LOXL2: variants seen among roughly 807,000 people sequenced by gnomAD.
The protein encoded by LOXL2 is lysyl oxidase like 2, also known as lysyl oxidase homolog 2.
In LOXL2, 70 loss-of-function variants were observed where a neutral mutation model predicts 93.0. That is an observed-to-expected ratio of 0.75 (90% CI 0.62 to 0.92). The LOEUF is 0.92. Among genes scored for constraint, LOXL2 ranks in the 40% least tolerant of loss-of-function variants. LOXL2 has a pLI of 0.00. For synonymous variants in LOXL2, 438 were observed against 413.2 expected, an observed-to-expected ratio of 1.06 and a Z score of -0.73; for missense variants, 973 against 1,054.9, an observed-to-expected ratio of 0.92 and a Z score of 1.08.
At chr8:23,372,587 T>C (rs1804513421) in intron 1 of LOXL2, among the ~76,000 whole-genome samples, 2 of 152,116 alleles carry the variant, frequency 1.3e-5, no homozygotes, top group South Asian at 2.1e-4. Flanking sequence ...AGATATACCA[T>C]GCGTACATTA....
At chr8:23,350,766 A>G (rs1393642204) in intron 3 of LOXL2, among the ~76,000 whole-genome samples, 8 of 139,898 alleles carry the variant, frequency 5.7e-5, no homozygotes, top group Non-Finnish European at 1.2e-4. Context: ...TCCTCCTATA[A>G]ATCAAAAGCT....
At chr8:23,334,770 A>T (rs1394131490) in intron 4 of LOXL2, among the ~76,000 whole-genome samples, 10 of 91,074 alleles carry the variant, frequency 1.1e-4, no homozygotes, top group Non-Finnish European at 7.4e-5. Flanking sequence ...CCAAAATCAG[A>T]AGTAGTATCT....
At chr8:23,358,951 C>T (rs1321729531) in intron 3 of LOXL2, among the ~76,000 whole-genome samples, 1 of 151,736 alleles carries the variant, frequency 6.6e-6, no homozygotes, top group Non-Finnish European at 1.5e-5. Context: ...ACGCCATTCT[C>T]CTGCTTCAGC....
rs368751153 is a variant in LOXL2, at chr8:23,346,111, TA to T, written c.532-4909del. ...TAAAATAAAATAAAATAAAATAAAA[TA>T]AAATTAAAATAAAATAAAATAAAAT... On this transcript the variant is annotated intron_variant, in intron 3 of 13. Transcript: ENST00000389131. Among the ~76,000 whole-genome samples, 750 of 44,762 alleles carry T rather than the reference TA, an allele frequency of 0.017. 50 individuals carry two copies. In the East Asian group the frequency reaches 0.21, roughly 12 times the overall value. The allele number at this position is 44,762 out of a possible 152,430, so 29.4% of individuals were successfully genotyped here.
At chr8:23,351,176 C>T (rs1190651245) in intron 3 of LOXL2, among the ~76,000 whole-genome samples, 1 of 152,174 alleles carries the variant, frequency 6.6e-6, no homozygotes, top group Non-Finnish European at 1.5e-5. Context: ...AATGAATAAA[C>T]AGATCCTTAG....
intron 12 of LOXL2, among the ~76,000 whole-genome samples, chr8:23,300,074 G>A (rs1170527533): frequency 6.6e-5 from 10 of 152,260 alleles, no homozygotes; most frequent in Admixed American, 6.5e-4. Context: ...CACATGGCAT[G>A]GGGCAAACAC....
intron 9 of LOXL2, among the ~76,000 whole-genome samples, chr8:23,316,556 G>T (rs1803404393): frequency 6.6e-6 from 1 of 152,110 alleles, no homozygotes; most frequent in Non-Finnish European, 1.5e-5. Flanking sequence ...TGACCTCCAG[G>T]GTCTGAAAAC....
At chr8:23,314,176 C>T (rs1803357797) in intron 9 of LOXL2, among the ~76,000 whole-genome samples, 1 of 152,006 alleles carries the variant, frequency 6.6e-6, no homozygotes, top group African/African-American at 2.4e-5. Context: ...GAGATAGGAA[C>T]ACTTTTACAC....
At chr8:23,389,707 T>C (rs1187892575) in intron 1 of LOXL2, among the ~76,000 whole-genome samples, 14 of 152,230 alleles carry the variant, frequency 9.2e-5, no homozygotes, top group Admixed American at 9.2e-4. Context: ...CTGATCCTGA[T>C]GTGATGCTCA....
chr8:23,314,852 T>TA (rs1803369284), intron 9 of LOXL2, among the ~76,000 whole-genome samples: 1 of 144,798 alleles, frequency 6.9e-6, no homozygotes, highest in Non-Finnish European at 1.5e-5. Flanking sequence ...AAAATAAAAA[T>TA]AAAAAAGGAG....
intron 1 of LOXL2, among the ~76,000 whole-genome samples, chr8:23,386,252 G>C (rs1033971819): frequency 6.6e-6 from 1 of 152,166 alleles, no homozygotes; most frequent in Non-Finnish European, 1.5e-5. Context: ...AATTAGCCGG[G>C]CGTGGTAGCA....
At chr8:23,387,606 T>C (rs1804783795) in intron 1 of LOXL2, among the ~76,000 whole-genome samples, 1 of 152,256 alleles carries the variant, frequency 6.6e-6, no homozygotes, top group African/African-American at 2.4e-5. Flanking sequence ...ACTTAGATTT[T>C]TCTAAGTCTC....
chr8:23,376,897 G>T (rs1178369546), intron 1 of LOXL2, among the ~76,000 whole-genome samples: 1 of 152,092 alleles, frequency 6.6e-6, no homozygotes, highest in African/African-American at 2.4e-5. Context: ...CCAGCTCCTG[G>T]ATTCATTGAT....
At chr8:23,367,173 T>A (rs1804415939) in intron 2 of LOXL2, among the ~76,000 whole-genome samples, 1 of 152,118 alleles carries the variant, frequency 6.6e-6, no homozygotes, top group Non-Finnish European at 1.5e-5. Context: ...CTTAGCCTCC[T>A]GAGTAGCTGG....
In LOXL2 at chr8:23,317,041, T is replaced by TCC. The variant is rs1164969204; in HGVS notation, c.1542_1543dup (p.Glu515GlyfsTer128). On this transcript the variant is annotated frameshift_variant, in exon 9 of 14. Transcript: ENST00000389131. LOFTEE classifies it high-confidence loss of function. The stretch of plus-strand genomic sequence containing the variant: ...GTGGCGGCAGTGCGCCAGGGACAGC[T>TCC]CCGTTCCCGAGCACTTCACTCCACT... 6.2e-7 allele frequency: 1 copy of TCC among 1,614,050 alleles called. No individual in the cohort carries two copies. Among genetic ancestry groups the TCC allele is most frequent in the Non-Finnish European group, 8.5e-7 (1 of 1,180,018 alleles).
At chr8:23,301,548 G>A (rs1465426116) in intron 12 of LOXL2, among the ~76,000 whole-genome samples, 1 of 152,230 alleles carries the variant, frequency 6.6e-6, no homozygotes, top group Non-Finnish European at 1.5e-5. Flanking sequence ...CTATGAGGCA[G>A]ATATTTCCGG....
intron 1 of LOXL2, among the ~76,000 whole-genome samples, chr8:23,396,598 G>A (rs1032051016): frequency 3.9e-5 from 6 of 152,202 alleles, no homozygotes; most frequent in African/African-American, 1.4e-4. Flanking sequence ...ATCCCTAGAC[G>A]TTTTAAGGAA....
intron 5 of LOXL2, among the ~76,000 whole-genome samples, 194 bp downstream of exon 5, chr8:23,333,207 G>A (rs1298081447): frequency 6.6e-6 from 1 of 152,164 alleles, no homozygotes; most frequent in East Asian, 1.9e-4. Flanking sequence ...TGTGACAACT[G>A]ATGCTGGGGT....
intron 1 of LOXL2, among the ~76,000 whole-genome samples, chr8:23,388,911 G>C (rs903257744): frequency 6.6e-6 from 1 of 151,994 alleles, no homozygotes; most frequent in African/African-American, 2.4e-5. Flanking sequence ...GGGAGAGAAA[G>C]AGGTTCAGAA....
Sources: allele counts gnomAD v4.1 joint callset (sites outside exome capture counted in the v4.1 genomes callset), GRCh38; gene constraint gnomAD v4.1.1; transcripts MANE v1.5; gene names NCBI Gene and HGNC (gene_info 2026-07-23, HGNC 2026-07-21).